The following AFF3 variants were observed in gnomAD, a reference collection of about 807,000 sequenced individuals.
The protein encoded by AFF3 is AF4/FMR2 family member 3.
In AFF3, 32 loss-of-function variants were observed where a neutral mutation model predicts 129.7. The observed-to-expected ratio is 0.25, with a 90% CI of 0.19 to 0.33. The LOEUF (loss-of-function observed/expected upper bound fraction) is 0.33, where lower values mean the gene tolerates loss of function less well. AFF3 is among the 10% of genes least tolerant of loss of function. The pLI, the probability that AFF3 is intolerant of heterozygous loss-of-function variation, is 1.00. For missense variants in AFF3, 1,373 were observed against 1,592.0 expected (o/e 0.86, Z 2.34); for synonymous variants, 644 against 635.4 (o/e 1.01, Z -0.20).
chr2:99,884,002 A>G (rs1488374315), intron 7 of AFF3, among the ~76,000 whole-genome samples: 2 of 152,192 alleles, frequency 1.3e-5, no homozygotes, highest in East Asian at 3.9e-4. Context: ...GGTCAAATGA[A>G]GAGAGGAAAT....
intron 8 of AFF3, among the ~76,000 whole-genome samples, chr2:99,819,792 C>A (rs899277262): frequency 1.3e-5 from 2 of 152,202 alleles, no homozygotes; most frequent in Non-Finnish European, 2.9e-5. Flanking sequence ...CTGGTGAAAA[C>A]CCACACTGTG....
intron 4 of AFF3, among the ~76,000 whole-genome samples, chr2:100,024,621 AATT>A (rs775750332): frequency 1.5e-4 from 22 of 151,568 alleles, no homozygotes; most frequent in Admixed American, 1.2e-3. Context: ...AAATAATAAT[AATT>A]ATTATTATTA....
At chr2:99,932,692 A>T (rs1674140926) in intron 7 of AFF3, among the ~76,000 whole-genome samples, 1 of 152,134 alleles carries the variant, frequency 6.6e-6, no homozygotes, top group Admixed American at 6.5e-5. Flanking sequence ...GAGTGTAGGG[A>T]CTGCGTCTTG....
intron 8 of AFF3, among the ~76,000 whole-genome samples, chr2:99,784,096 C>A (rs953347808): frequency 6.6e-6 from 1 of 152,190 alleles, no homozygotes. Flanking sequence ...AGTCTGCATT[C>A]CCCTTGCCAG....
At chr2:99,775,546 G>C (rs1253426160) in intron 8 of AFF3, among the ~76,000 whole-genome samples, 2 of 152,112 alleles carry the variant, frequency 1.3e-5, no homozygotes, top group Non-Finnish European at 1.5e-5. Context: ...CACACAGTGG[G>C]GCCTGTCAGA....
chr2:99,580,785 C>A, intron 17 of AFF3: 1 of 159,262 alleles, frequency 6.3e-6, no homozygotes, highest in Non-Finnish European at 1.4e-5. Context: ...GTAGTCCCAG[C>A]TACTCGGGAG....
chr2:99,629,119 A>T (rs1457465680), intron 13 of AFF3, among the ~76,000 whole-genome samples: 1 of 152,140 alleles, frequency 6.6e-6, no homozygotes, highest in East Asian at 1.9e-4. Context: ...CGGCCTCCCA[A>T]AGTGCTGGGA....
intron 18 of AFF3, among the ~76,000 whole-genome samples, chr2:99,570,802 C>T (rs79317638): frequency 0.022 from 3,327 of 152,318 alleles, 125 homozygotes; most frequent in African/African-American, 0.076. Context: ...CATCCTGGTC[C>T]GAGGAGCTCT....
chr2:99,686,301 G>T (rs976432401), intron 11 of AFF3, among the ~76,000 whole-genome samples: 2 of 152,180 alleles, frequency 1.3e-5, no homozygotes, highest in Non-Finnish European at 2.9e-5. Context: ...AAAGTCAACT[G>T]ATTTCAGAGC....
At chr2:99,898,077 T>C (rs1441405068) in intron 7 of AFF3, among the ~76,000 whole-genome samples, 2 of 152,336 alleles carry the variant, frequency 1.3e-5, no homozygotes, top group South Asian at 2.1e-4. Flanking sequence ...TTCCACCAAG[T>C]ACACGACAAT....
intron 4 of AFF3, among the ~76,000 whole-genome samples, chr2:100,060,272 A>G (rs1245369139): frequency 1.3e-5 from 2 of 152,232 alleles, no homozygotes; most frequent in African/African-American, 2.4e-5. Context: ...TAAGCTTTAC[A>G]TGTGTTACCT....
intron 15 of AFF3, among the ~76,000 whole-genome samples, chr2:99,588,287 C>T (rs759754723): frequency 1.8e-4 from 27 of 152,102 alleles, no homozygotes; most frequent in Non-Finnish European, 4.0e-4. Flanking sequence ...GGTGATCCTC[C>T]CGCCTCAGCC....
intron 8 of AFF3, among the ~76,000 whole-genome samples, chr2:99,785,746 G>A (rs931981815): frequency 8.1e-4 from 123 of 152,032 alleles, no homozygotes; most frequent in African/African-American, 2.9e-3. Context: ...ACCTTTAAGT[G>A]ATTTTTTTAT....
chr2:99,955,006 G>A (rs1241602364), intron 7 of AFF3, among the ~76,000 whole-genome samples: 2 of 151,780 alleles, frequency 1.3e-5, no homozygotes, highest in Non-Finnish European at 2.9e-5. Flanking sequence ...TGGAGAATAA[G>A]AAAGCTGGAA....
intron 20 of AFF3, among the ~76,000 whole-genome samples, chr2:99,563,277 G>A (rs1261925258): frequency 4.0e-5 from 6 of 151,400 alleles, no homozygotes; most frequent in Admixed American, 6.6e-5. Flanking sequence ...TGCGAGCTCC[G>A]CCTTCCAGGT....
intron 11 of AFF3, among the ~76,000 whole-genome samples, chr2:99,712,376 G>C (rs1191134195): frequency 6.6e-6 from 1 of 152,156 alleles, no homozygotes; most frequent in Non-Finnish European, 1.5e-5. Context: ...GAGGAAAGAC[G>C]AGCCCAGCTT....
chr2:99,861,700 T>C (rs1691012566), intron 7 of AFF3, among the ~76,000 whole-genome samples: 1 of 152,188 alleles, frequency 6.6e-6, no homozygotes, highest in Non-Finnish European at 1.5e-5. Context: ...TATATGTACC[T>C]TGTAGAGAAT....
At chr2:99,724,773 T>C (rs1321965440) in intron 11 of AFF3, among the ~76,000 whole-genome samples, 1 of 152,102 alleles carries the variant, frequency 6.6e-6, no homozygotes, top group Non-Finnish European at 1.5e-5. Context: ...CTGTTAGAGG[T>C]CTCTTGAGCG....
chr2:99,783,902 C>A (rs1323085263), intron 8 of AFF3, among the ~76,000 whole-genome samples: 1 of 152,242 alleles, frequency 6.6e-6, no homozygotes, highest in Non-Finnish European at 1.5e-5. Flanking sequence ...CCTTTCAGCA[C>A]CTACTATGTG....
Sources: allele counts gnomAD v4.1 joint callset (sites outside exome capture counted in the v4.1 genomes callset), GRCh38; gene constraint gnomAD v4.1.1; transcripts MANE v1.5; gene names NCBI Gene and HGNC (gene_info 2026-07-23, HGNC 2026-07-21).